The following PHACTR3 variants were observed in gnomAD, a reference collection of about 807,000 sequenced individuals.
PHACTR3 encodes the protein protein phosphatase 1, regulatory subunit 123.
PHACTR3 carries 16 observed loss-of-function variants against 66.8 expected under a neutral mutation model. The ratio of observed to expected loss-of-function variants is 0.24; its 90% CI spans 0.16 to 0.36. The LOEUF is 0.36. Ranked by LOEUF, PHACTR3 falls within the 10% of genes least tolerant of loss-of-function variation. PHACTR3 has a pLI of 1.00. For missense variants in PHACTR3, 647 were observed against 719.9 expected (o/e 0.90, Z 1.16); for synonymous variants, 323 against 292.1 (o/e 1.11, Z -1.08).
chr20:59,646,076 C>T (rs6027016), intron 1 of PHACTR3, among the ~76,000 whole-genome samples: 7 of 152,276 alleles, frequency 4.6e-5, no homozygotes, highest in African/African-American at 1.7e-4. Flanking sequence ...CCAGCCCCTG[C>T]GATTCTGAGG....
In PHACTR3 at chr20:59,739,308, T is replaced by C. The variant is rs534595553; in HGVS notation, c.119-3799T>C. Among the ~76,000 whole-genome samples the C allele has an allele frequency of 3.3e-5, 5 of 152,304 alleles. No individual in the cohort carries two copies. In the East Asian group the frequency reaches 9.6e-4, roughly 29 times the overall value. ...CCATGGGGCTGCTTTGTGGAGCATC[T>C]GTGGACACAGCACCTAGCACAGTTA... is the stretch of plus-strand genomic sequence containing the variant. On this transcript the variant is annotated intron_variant, in intron 1 of 12. Coordinates refer to ENST00000371015, the MANE Select transcript of PHACTR3 (RefSeq NM_080672.5).
At chr20:59,836,442 C>T (rs1292600896) in intron 8 of PHACTR3, 63 bp from the exon 9 acceptor site, 1 of 1,528,644 alleles carries the variant, frequency 6.5e-7, no homozygotes, top group Admixed American at 1.9e-5. Context: ...TCCTTGCAGA[C>T]CCCAGGTGGA....
At chr20:59,839,864 G>T (rs1477227755) in intron 9 of PHACTR3, among the ~76,000 whole-genome samples, 1 of 152,178 alleles carries the variant, frequency 6.6e-6, no homozygotes, top group Non-Finnish European at 1.5e-5. Flanking sequence ...AGCATATGCT[G>T]CCCAGGAGCT....
chr20:59,613,413 C>T (rs1280268289), intron 1 of PHACTR3, among the ~76,000 whole-genome samples: 2 of 152,172 alleles, frequency 1.3e-5, no homozygotes, highest in African/African-American at 4.8e-5. Flanking sequence ...GGGTGTCCAC[C>T]TGCCGAGTTT....
At chr20:59,781,328 C>T (rs1159772190) in intron 7 of PHACTR3, among the ~76,000 whole-genome samples, 1 of 152,210 alleles carries the variant, frequency 6.6e-6, no homozygotes, top group Non-Finnish European at 1.5e-5. Context: ...TCAAGAAGGC[C>T]TCTCGATGGC....
intron 7 of PHACTR3, among the ~76,000 whole-genome samples, chr20:59,791,045 G>A (rs1232906423): frequency 1.3e-5 from 2 of 152,226 alleles, no homozygotes; most frequent in East Asian, 3.9e-4. Flanking sequence ...TAGAAGGAGA[G>A]CCTGGTGAGC....
In PHACTR3 at chr20:59,615,422, G is replaced by A. The variant is rs1333567149; in HGVS notation, c.118+10290G>A. ...GTATGCAAAGGGGCATCGTGCATCC[G>A]GGAAGCTCATGGTCTGGCTAGGGGC... On this transcript the variant is annotated intron_variant, in intron 1 of 12. Coordinates refer to ENST00000371015, the MANE Select transcript of PHACTR3 (RefSeq NM_080672.5). Among the ~76,000 whole-genome samples the A allele has an allele frequency of 2.6e-5, 4 of 152,158 alleles. No homozygotes were observed. In the South Asian group the frequency reaches 6.2e-4, roughly 24 times the overall value.
At chr20:59,790,658 G>A (rs1008873597) in intron 7 of PHACTR3, among the ~76,000 whole-genome samples, 3 of 152,194 alleles carry the variant, frequency 2.0e-5, no homozygotes, top group Non-Finnish European at 4.4e-5. Context: ...GACCAGCTGT[G>A]GTGTGGAGGA....
At chr20:59,812,537 A>ACGCACAGAAATGTGGAGACAGAC (rs1328280480) in intron 8 of PHACTR3, among the ~76,000 whole-genome samples, 3 of 152,202 alleles carry the variant, frequency 2.0e-5, no homozygotes, top group East Asian at 1.9e-4. Context: ...TGGAGACAGA[A>ACGCACAGAAATGTGGAGACAGAC]CGCACAGAAA....
intron 1 of PHACTR3, among the ~76,000 whole-genome samples, chr20:59,635,439 A>T (rs910909160): frequency 2.6e-5 from 4 of 151,486 alleles, no homozygotes; most frequent in Non-Finnish European, 5.9e-5. Context: ...TCACCATGTT[A>T]GTCAGGCTGG....
chr20:59,604,135 C>T (rs954861362), upstream of PHACTR3, among the ~76,000 whole-genome samples: 1 of 152,092 alleles, frequency 6.6e-6, no homozygotes, highest in Non-Finnish European at 1.5e-5. Context: ...AGGCCCAGGC[C>T]AGGTGGTTGC....
chr20:59,801,867 G>A (rs1276223836), intron 7 of PHACTR3, among the ~76,000 whole-genome samples: 3 of 152,188 alleles, frequency 2.0e-5, no homozygotes, highest in Non-Finnish European at 2.9e-5. Context: ...CATGATAAAT[G>A]CCGGTTTTAC....
intron 1 of PHACTR3, among the ~76,000 whole-genome samples, chr20:59,669,081 C>T (rs1820119046): frequency 6.6e-6 from 1 of 152,050 alleles, no homozygotes; most frequent in Non-Finnish European, 1.5e-5. Context: ...ACTGATGTGT[C>T]TTCAGATGCT....
intron 1 of PHACTR3, among the ~76,000 whole-genome samples, chr20:59,697,701 C>T (rs950902461): frequency 1.3e-5 from 2 of 152,154 alleles, no homozygotes; most frequent in South Asian, 2.1e-4. Flanking sequence ...GAAAAAAGAA[C>T]AAGCAGGACA....
chr20:59,751,728 G>A (rs1281276290), intron 3 of PHACTR3, among the ~76,000 whole-genome samples: 1 of 152,128 alleles, frequency 6.6e-6, no homozygotes, highest in Non-Finnish European at 1.5e-5. Context: ...GACCTAGGAA[G>A]GACCCTGCTG....
At chr20:59,793,579 G>A (rs1036792673) in intron 7 of PHACTR3, among the ~76,000 whole-genome samples, 6 of 152,068 alleles carry the variant, frequency 3.9e-5, no homozygotes, top group Non-Finnish European at 2.9e-5. Context: ...TTTTCAGATA[G>A]TTTGCTATTG....
At chr20:59,714,094 T>C (rs561624448) in intron 1 of PHACTR3, among the ~76,000 whole-genome samples, 269 of 152,336 alleles carry the variant, frequency 1.8e-3, no homozygotes, top group Non-Finnish European at 2.9e-3. Flanking sequence ...GTTTTAAAAA[T>C]TGAATTCTAG....
chr20:59,747,381 G>T (rs1030403302), intron 2 of PHACTR3, among the ~76,000 whole-genome samples: 19 of 152,258 alleles, frequency 1.2e-4, no homozygotes, highest in Non-Finnish European at 2.1e-4. Context: ...GGAGCCCGGG[G>T]TGTTGGCGGC....
intron 1 of PHACTR3, among the ~76,000 whole-genome samples, chr20:59,709,374 T>G (rs2037832127): frequency 6.6e-6 from 1 of 152,124 alleles, no homozygotes; most frequent in African/African-American, 2.4e-5. Context: ...CCATTTGGGA[T>G]TTTTAACCAC....
Sources: gnomAD v4.1 joint callset for allele counts (sites outside exome capture counted in the v4.1 genomes callset) on GRCh38, gnomAD v4.1.1 for gene constraint, MANE v1.5 for transcripts, NCBI Gene and HGNC (gene_info 2026-07-23, HGNC 2026-07-21) for gene names.